Variants in SPATA6 observed in about 807,000 individuals in gnomAD.
The protein encoded by SPATA6 is spermatogenesis associated 6.
Under a neutral mutation model 65.3 loss-of-function variants are expected in SPATA6, and 56 were observed. That is an observed-to-expected ratio of 0.86 (90% CI 0.69 to 1.07). SPATA6 has a LOEUF of 1.07. SPATA6 is among the 50% of genes least tolerant of loss of function. The probability of loss-of-function intolerance (pLI) is 0.00; values close to 1 mark genes in which losing one functional copy is unlikely to be tolerated. For missense variants in SPATA6, 590 were observed against 594.8 expected, an observed-to-expected ratio of 0.99 and a Z score of 0.08; for synonymous variants, 199 against 213.2, an observed-to-expected ratio of 0.93 and a Z score of 0.58.
intron 3 of SPATA6, among the ~76,000 whole-genome samples, chr1:48,438,751 C>T (rs1028010988): frequency 6.6e-6 from 1 of 152,162 alleles, no homozygotes; most frequent in South Asian, 2.1e-4. Flanking sequence ...AAAAACCACT[C>T]CCTGTCTCTG....
downstream of SPATA6, among the ~76,000 whole-genome samples, chr1:48,291,737 C>T (rs1644769688): frequency 6.6e-6 from 1 of 152,132 alleles, no homozygotes; most frequent in Non-Finnish European, 1.5e-5. Context: ...CAGTGGCAGT[C>T]CACTTCCTTC....
chr1:48,281,606 A>G, the SPATA6 span, among the ~76,000 whole-genome samples: 1 of 151,620 alleles, frequency 6.6e-6, no homozygotes, highest in South Asian at 2.1e-4. Context: ...AGAATAAAAT[A>G]CCTAGGAATC....
intron 3 of SPATA6, among the ~76,000 whole-genome samples, chr1:48,427,236 C>T (rs1570540173): frequency 6.6e-6 from 1 of 151,912 alleles, no homozygotes; most frequent in Admixed American, 6.6e-5. Context: ...AATCAGAAAT[C>T]ATTTCATAAC....
the SPATA6 span, among the ~76,000 whole-genome samples, chr1:48,287,708 T>C: frequency 1.3e-5 from 2 of 152,224 alleles, no homozygotes; most frequent in Non-Finnish European, 2.9e-5. Context: ...CACTAGAAGA[T>C]GCTGAAGCCA....
the SPATA6 span, among the ~76,000 whole-genome samples, chr1:48,276,504 G>C: frequency 6.6e-6 from 1 of 152,106 alleles, no homozygotes. Flanking sequence ...CACTGTTTTA[G>C]CTGTGCCCCA....
Position 48,304,123 on chromosome 1 carries a change from A to G in SPATA6, c.1286+1664T>C, listed in dbSNP as rs564827785. ...GGAGGACTTCTTGGCCTACTGCATA[A>G]TATTACTTGAGGATAAAACTAAAAT... On this transcript the variant is annotated intron_variant, in intron 12 of 12. Coordinates refer to ENST00000371847, the MANE Select transcript of SPATA6 (RefSeq NM_019073.4). 2.2e-4 allele frequency among the ~76,000 whole-genome samples: 34 copies of G among 152,338 alleles called. 1 individual carries two copies. The South Asian group carries it at 7.0e-3, about 32-fold the overall frequency.
chr1:48,414,294 G>C (rs1025474922), intron 3 of SPATA6, among the ~76,000 whole-genome samples: 1 of 152,186 alleles, frequency 6.6e-6, no homozygotes, highest in Non-Finnish European at 1.5e-5. Flanking sequence ...GCAGGGAGAA[G>C]AGAAAAGAAA....
At chr1:48,385,817 A>C (rs1037499844) in intron 8 of SPATA6, among the ~76,000 whole-genome samples, 1 of 152,182 alleles carries the variant, frequency 6.6e-6, no homozygotes, top group African/African-American at 2.4e-5. Flanking sequence ...TCTTGTTGAC[A>C]AATAAATCTG....
At chr1:48,420,765 G>A (rs1436342938) in intron 3 of SPATA6, among the ~76,000 whole-genome samples, 1 of 152,128 alleles carries the variant, frequency 6.6e-6, no homozygotes, top group African/African-American at 2.4e-5. Context: ...TCTTCTACAT[G>A]TTAGCTTTGA....
chr1:48,428,783 G>A (rs1379106076), intron 3 of SPATA6, among the ~76,000 whole-genome samples: 3 of 87,588 alleles, frequency 3.4e-5, no homozygotes, highest in African/African-American at 1.4e-4. Flanking sequence ...ATATGTGTGT[G>A]TGTGTGTGTG....
the SPATA6 span, among the ~76,000 whole-genome samples, chr1:48,266,902 A>AT: frequency 6.6e-6 from 1 of 152,144 alleles, no homozygotes; most frequent in Admixed American, 6.5e-5. Flanking sequence ...AGGATAGCAT[A>AT]TTTTTTTCTA....
In SPATA6 at chr1:48,463,571, C is replaced by T. The variant is rs191959387; in HGVS notation, c.51+8387G>A. On this transcript the variant is annotated intron_variant, in intron 1 of 12. Transcript: ENST00000371847. Reference sequence around the variant, plus strand: ...TCAAGTGCCTTAAAGGCAGATATTACAATGAGAAAAAATATTGCAAATTGC... The same window carrying T: ...TCAAGTGCCTTAAAGGCAGATATTATAATGAGAAAAAATATTGCAAATTGC... Among the ~76,000 whole-genome samples, 105 of 152,026 alleles carry T rather than the reference C, an allele frequency of 6.9e-4. 1 individual carries two copies. The highest frequency in any genetic ancestry group is 7.9e-4 in the Non-Finnish European group (54 of 67,984).
At chr1:48,430,024 C>A (rs1654253059) in intron 3 of SPATA6, among the ~76,000 whole-genome samples, 1 of 152,008 alleles carries the variant, frequency 6.6e-6, no homozygotes. Context: ...AATGGACACA[C>A]TGGGGAAATC....
intron 3 of SPATA6, among the ~76,000 whole-genome samples, chr1:48,417,230 G>A (rs1432735408): frequency 4.6e-5 from 7 of 152,092 alleles, no homozygotes; most frequent in African/African-American, 7.2e-5. Context: ...TTAAATTAAC[G>A]TATATAGCAA....
At chr1:48,421,336 AAAAAT>A (rs763153731) in intron 3 of SPATA6, among the ~76,000 whole-genome samples, 9 of 152,132 alleles carry the variant, frequency 5.9e-5, no homozygotes, top group Non-Finnish European at 1.0e-4. Context: ...TATGTCAATT[AAAAAT>A]AAAATAAAAC....
At chr1:48,381,252 TAA>T in intron 9 of SPATA6, among the ~76,000 whole-genome samples, 1 of 152,284 alleles carries the variant, frequency 6.6e-6, no homozygotes, top group East Asian at 1.9e-4. Context: ...CCTATCTATA[TAA>T]GTGTTATATT....
At chr1:48,435,964 T>C (rs1654900007) in intron 3 of SPATA6, 2 of 1,596,200 alleles carry the variant, frequency 1.3e-6, no homozygotes, top group Non-Finnish European at 1.7e-6. Context: ...CTAAAGTGAT[T>C]CAATGTCTCT....
intron 11 of SPATA6, among the ~76,000 whole-genome samples, chr1:48,309,141 G>T (rs2148661385): frequency 6.6e-6 from 1 of 152,174 alleles, no homozygotes; most frequent in South Asian, 2.1e-4. Context: ...GAGCTCCTTA[G>T]ATAATAATTT....
chr1:48,370,662 A>T lies in SPATA6; in HGVS notation c.910-10892T>A, dbSNP rs143322849. Among the ~76,000 whole-genome samples, 9 of 152,382 alleles carry T rather than the reference A, an allele frequency of 5.9e-5. No homozygotes were observed. The East Asian group carries it at 1.7e-3, about 29-fold the overall frequency. ...ACCACTGTTCTATTCACTTACATATAGAAAACTTTTTAAATCCTCACAACA... is the reference window on the plus strand; with the variant it reads ...ACCACTGTTCTATTCACTTACATATTGAAAACTTTTTAAATCCTCACAACA... On this transcript the variant is annotated intron_variant, in intron 9 of 12. Transcript: ENST00000371847.
Sources: allele counts gnomAD v4.1 joint callset (sites outside exome capture counted in the v4.1 genomes callset), GRCh38; gene constraint gnomAD v4.1.1; transcripts MANE v1.5; gene names NCBI Gene and HGNC (gene_info 2026-07-23, HGNC 2026-07-21).